The following ZFYVE21 variants were observed in gnomAD, a reference collection of about 807,000 sequenced individuals.
The protein encoded by ZFYVE21 is zinc finger FYVE-type containing 21.
A neutral mutation model predicts 29.5 loss-of-function variants in ZFYVE21; 21 were observed. That is an observed-to-expected ratio of 0.71 (90% CI 0.50 to 1.02). The LOEUF (loss-of-function observed/expected upper bound fraction) is 1.02. Ranked by LOEUF, ZFYVE21 falls within the 50% of genes least tolerant of loss-of-function variation. The probability of loss-of-function intolerance (pLI) is 0.00; values close to 1 mark genes in which losing one functional copy is unlikely to be tolerated. For synonymous variants in ZFYVE21, 151 were observed against 133.8 expected (o/e 1.13, Z -0.89); for missense variants, 326 against 335.4 (o/e 0.97, Z 0.22).
intron 2 of ZFYVE21, chr14:103,727,169 C>T (rs1284525198): frequency 5.7e-6 from 2 of 353,210 alleles, no homozygotes; most frequent in Non-Finnish European, 1.1e-5. Context: ...TGGTCTCGAA[C>T]TCCTGACCTC....
At chr14:103,722,351 CTTTTTTTTTT>C in intron 1 of ZFYVE21, among the ~76,000 whole-genome samples, 1 of 108,368 alleles carries the variant, frequency 9.2e-6, no homozygotes, top group African/African-American at 3.6e-5. Flanking sequence ...TGGTCTGTCT[CTTTTTTTTTT>C]TTTTTTTTTT....
chr14:103,728,125 T>C, intron 3 of ZFYVE21: 1 of 530,898 alleles, frequency 1.9e-6, no homozygotes, highest in Non-Finnish European at 3.2e-6. Context: ...ATGTTGGTGC[T>C]GACTCCGCTG....
chr14:103,732,460 A>T, intron 5 of ZFYVE21, 160 bp from the exon 6 acceptor site: 1 of 793,094 alleles, frequency 1.3e-6, no homozygotes. Context: ...AGGCCTGAGG[A>T]GATGGTGTTC....
intron 5 of ZFYVE21, 147 bp from the exon 6 acceptor site, chr14:103,732,473 T>A: frequency 1.1e-6 from 1 of 938,516 alleles, no homozygotes; most frequent in South Asian, 2.2e-5. Context: ...TGGTGTTCCC[T>A]GGGTGCTCCT....
chr14:103,727,602 C>G (rs755146674), intron 2 of ZFYVE21, 144 bp from the exon 3 acceptor site: 1 of 1,053,044 alleles, frequency 9.5e-7, no homozygotes, highest in East Asian at 2.6e-5. Flanking sequence ...CAGGGGCTGG[C>G]GACAGGAGGT....
At chr14:103,719,904 T>A (rs2083859159) in intron 1 of ZFYVE21, among the ~76,000 whole-genome samples, 1 of 152,196 alleles carries the variant, frequency 6.6e-6, no homozygotes, top group East Asian at 1.9e-4. Flanking sequence ...ACTGAGACTT[T>A]GAAGCCACAA....
At chr14:103,717,676 A>G (rs2083838925) in intron 1 of ZFYVE21, among the ~76,000 whole-genome samples, 1 of 152,238 alleles carries the variant, frequency 6.6e-6, no homozygotes, top group African/African-American at 2.4e-5. Flanking sequence ...CGTGGAAGAG[A>G]AGATTCATTC....
In ZFYVE21 at chr14:103,727,639, G is replaced by T; in HGVS notation, c.190-107G>T. On this transcript the variant is annotated intron_variant, in intron 2 of 6. Transcript: ENST00000311141. ...CGCGTGTGCAGCGGCCGGCACAGGG[G>T]CCTCGCGTTTAGGCGTGGCCCGGGG... The T allele has an allele frequency of 2.8e-6, 4 of 1,441,830 alleles. No homozygotes were observed. The South Asian group carries it at 4.7e-5, about 17-fold the overall frequency. 89.3% of individuals were successfully genotyped at this position (1,441,830 alleles called of 1,614,324 possible).
intron 1 of ZFYVE21, among the ~76,000 whole-genome samples, chr14:103,721,956 G>A (rs867734772): frequency 8.5e-5 from 13 of 152,312 alleles, no homozygotes; most frequent in East Asian, 3.9e-4. Context: ...CGGTGAAAAC[G>A]GATGAATCAC....
At chr14:103,727,014 C>T (rs1468034244) in intron 2 of ZFYVE21, 172 bp downstream of exon 2, 11 of 602,158 alleles carry the variant, frequency 1.8e-5, no homozygotes, top group East Asian at 1.2e-4. Context: ...GGCTCCATCT[C>T]GGCTCACTGC....
At chr14:103,725,814 C>A in intron 1 of ZFYVE21, 1 of 152,390 alleles carries the variant, frequency 6.6e-6, no homozygotes. Context: ...CACCTTTACC[C>A]TTAGGCCGAC....
chr14:103,729,279 G>C, intron 5 of ZFYVE21, 97 bp downstream of exon 5: 1 of 1,202,204 alleles, frequency 8.3e-7, no homozygotes. Flanking sequence ...CAGCTGCCCT[G>C]AGGAGTGGGG....
intron 1 of ZFYVE21, chr14:103,724,982 G>A (rs1361340118): frequency 6.6e-6 from 1 of 152,276 alleles, no homozygotes; most frequent in East Asian, 1.9e-4. Flanking sequence ...GGCCAGCTTT[G>A]AAAAAGGCTG....
At chr14:103,729,662 A>C in intron 5 of ZFYVE21, 2 of 1,137,742 alleles carry the variant, frequency 1.8e-6, no homozygotes, top group Non-Finnish European at 2.5e-6. Flanking sequence ...GCTGACGGGG[A>C]GCTCGCATCC....
In ZFYVE21 at chr14:103,733,096, G is replaced by C; in HGVS notation, c.*78G>C. 6.3e-7 allele frequency: 1 copy of C among 1,582,214 alleles called. No homozygotes were observed. Among genetic ancestry groups the C allele is most frequent in the Non-Finnish European group, 8.7e-7 (1 of 1,152,360 alleles). ...TGGAACAGCAGAGCCTGCTCCTTGC[G>C]TACCACAGGGATTAATCCTGCTTGT... On this transcript the variant is annotated 3_prime_UTR_variant, in exon 7 of 7. Transcript: ENST00000311141.
At chr14:103,720,181 C>T (rs2083861319) in intron 1 of ZFYVE21, among the ~76,000 whole-genome samples, 1 of 152,232 alleles carries the variant, frequency 6.6e-6, no homozygotes, top group African/African-American at 2.4e-5. Flanking sequence ...CTTCCTTCCT[C>T]ACGGCCTGTA....
intron 2 of ZFYVE21, 64 bp downstream of exon 2, chr14:103,726,906 CG>C: frequency 6.4e-7 from 1 of 1,558,130 alleles, no homozygotes; most frequent in Admixed American, 1.7e-5. Context: ...GGACAGCTGC[CG>C]CTGCCCCTTC....
intron 3 of ZFYVE21, 144 bp downstream of exon 3, chr14:103,728,058 C>T (rs2151952573): frequency 1.2e-5 from 11 of 898,060 alleles, no homozygotes; most frequent in South Asian, 1.8e-5. Flanking sequence ...CTTCTGGATT[C>T]GTTTAGAAGC....
intron 1 of ZFYVE21, among the ~76,000 whole-genome samples, chr14:103,721,451 G>A (rs750588923): frequency 5.9e-5 from 9 of 152,256 alleles, no homozygotes; most frequent in Non-Finnish European, 1.0e-4. Flanking sequence ...CTGCAAGGTG[G>A]CCACGGAGGC....
Sources: gnomAD v4.1 joint callset for allele counts (sites outside exome capture counted in the v4.1 genomes callset) on GRCh38, gnomAD v4.1.1 for gene constraint, MANE v1.5 for transcripts, NCBI Gene and HGNC (gene_info 2026-07-23, HGNC 2026-07-21) for gene names.